ELFN2: variants seen among roughly 807,000 people sequenced by gnomAD.
The protein encoded by ELFN2 is extracellular leucine rich repeat and fibronectin type III domain containing 2, also known as protein phosphatase 1 regulatory subunit 29.
In ELFN2, 17 loss-of-function variants were observed where a neutral mutation model predicts 45.5. The observed-to-expected ratio is 0.37, with a 90% CI of 0.26 to 0.56. The LOEUF is 0.56. Among genes scored for constraint, ELFN2 ranks in the 20% least tolerant of loss-of-function variants. ELFN2 has a pLI of 0.77. For synonymous variants in ELFN2, 550 were observed against 551.5 expected, an observed-to-expected ratio of 1.00 and a Z score of 0.04; for missense variants, 922 against 1,183.2, an observed-to-expected ratio of 0.78 and a Z score of 3.24.
At chr22:37,392,277 G>C (rs181653963) in intron 2 of ELFN2, among the ~76,000 whole-genome samples, 76 of 150,596 alleles carry the variant, frequency 5.0e-4, no homozygotes, top group Middle Eastern at 3.4e-3. Context: ...CTAGGAACCA[G>C]TTTTTTGTTG....
chr22:37,359,118 TC>T (rs1931019191), intron 1 of ELFN2, among the ~76,000 whole-genome samples: 1 of 152,072 alleles, frequency 6.6e-6, no homozygotes, highest in African/African-American at 2.4e-5. Flanking sequence ...TCCGTGACTG[TC>T]TCCAGCTGTG....
chr22:37,398,993 T>A (rs747270876), intron 2 of ELFN2, among the ~76,000 whole-genome samples: 1 of 151,948 alleles, frequency 6.6e-6, no homozygotes, highest in African/African-American at 2.4e-5. Context: ...CCCAAACACA[T>A]ACATGCTCCC....
intron 2 of ELFN2, among the ~76,000 whole-genome samples, chr22:37,398,917 A>T (rs1354280503): frequency 4.6e-5 from 7 of 150,684 alleles, no homozygotes; most frequent in African/African-American, 1.7e-4. Context: ...TCCAAGAAAC[A>T]CCCCCTGTAA....
In ELFN2 at chr22:37,374,915, G is replaced by C. The variant is rs1194451150; in HGVS notation, c.620C>G (p.Thr207Ser). The C allele has an allele frequency of 6.2e-7, 1 of 1,612,558 alleles. No individual in the cohort carries two copies. The highest frequency in any genetic ancestry group is 1.7e-5 in the Admixed American group (1 of 60,022). ...ACACTGCAGGCGGTCGTAGTTCTTG[G>C]TGACGTTGTTGAAGACCACCAGCCA... ...LAWLVVFNNV[T>S]KNYDRLQCES... is the part of the protein sequence containing the mutation. Residue 207 changes from threonine (T) to serine (S), a missense_variant, in exon 3 of 3, where the codon ACC becomes AGC. By Grantham distance (58) the Thr-to-Ser change is moderately conservative. Transcript: ENST00000402918.
downstream of ELFN2, among the ~76,000 whole-genome samples, chr22:37,367,325 G>A (rs375896123): frequency 2.8e-4 from 43 of 152,338 alleles, no homozygotes; most frequent in African/African-American, 1.0e-3. Flanking sequence ...CTAAATCTGA[G>A]AAGCAGCAGA....
chr22:37,405,902 C>T (rs1932490006), intron 2 of ELFN2, among the ~76,000 whole-genome samples: 1 of 151,906 alleles, frequency 6.6e-6, no homozygotes, highest in African/African-American at 2.4e-5. Flanking sequence ...CTTGGGAGGC[C>T]AAGGCAGGAG....
At position 37,374,210 on chromosome 22, in the gene ELFN2, C is replaced by G. The variant is rs771132559; in HGVS notation, c.1325G>C (p.Arg442Pro). Residue 442 changes from arginine to proline, a missense_variant, in exon 3 of 3, where the codon CGC (arginine) becomes CCC (proline). By Grantham distance (103) the Arg-to-Pro change is moderately radical. Around this residue, in one of 2 missense-constraint regions of ELFN2, gnomAD observed 564 missense variants for 642.8 expected, o/e 0.88. Coordinates refer to ENST00000402918, the MANE Select transcript of ELFN2 (RefSeq NM_052906.5). ...VNVKKTILEM[R>P]YGADVDAGSI... ...GCCGGCATCCACATCAGCCCCGTAG[C>G]GCATCTCCAGGATGGTCTTCTTGAC... 6.2e-7 allele frequency: 1 copy of G among 1,613,810 alleles called. No individual in the cohort carries two copies. Among genetic ancestry groups the G allele is most frequent in the Non-Finnish European group, 8.5e-7 (1 of 1,180,020 alleles).
At chr22:37,350,925 G>A (rs542131682) in intron 1 of ELFN2, among the ~76,000 whole-genome samples, 31 of 150,040 alleles carry the variant, frequency 2.1e-4, no homozygotes, top group Admixed American at 8.6e-4. Context: ...TCCTTCCCCC[G>A]CCTGGGAGTC....
intron 1 of ELFN2, among the ~76,000 whole-genome samples, chr22:37,362,723 G>A (rs763598390): frequency 2.0e-5 from 3 of 152,210 alleles, no homozygotes; most frequent in Non-Finnish European, 4.4e-5. Flanking sequence ...CCCCCAAAGT[G>A]TAGAGCAGGG....
chr22:37,362,433 G>A (rs1031281575), intron 1 of ELFN2, among the ~76,000 whole-genome samples: 5 of 152,224 alleles, frequency 3.3e-5, no homozygotes, highest in African/African-American at 9.6e-5. Flanking sequence ...AAGATTTGGA[G>A]CAGACATCTC....
intron 2 of ELFN2, among the ~76,000 whole-genome samples, chr22:37,410,496 C>T (rs1376954210): frequency 6.6e-6 from 1 of 152,142 alleles, no homozygotes; most frequent in Non-Finnish European, 1.5e-5. Flanking sequence ...CCTGTTGAGC[C>T]CCCGCTTCCC....
At chr22:37,351,013 C>G (rs1461139134) in intron 1 of ELFN2, among the ~76,000 whole-genome samples, 1 of 150,392 alleles carries the variant, frequency 6.6e-6, no homozygotes, top group African/African-American at 2.4e-5. Flanking sequence ...CTTCTCCTCT[C>G]CAGGCCCGGT....
intron 2 of ELFN2, among the ~76,000 whole-genome samples, chr22:37,415,318 A>G (rs1315836314): frequency 6.6e-6 from 1 of 152,248 alleles, no homozygotes; most frequent in Non-Finnish European, 1.5e-5. Flanking sequence ...GGGCTGGCTG[A>G]GCAGCTCAGA....
chr22:37,382,329 C>T (rs1335219677), intron 2 of ELFN2, among the ~76,000 whole-genome samples: 1 of 152,072 alleles, frequency 6.6e-6, no homozygotes, highest in Non-Finnish European at 1.5e-5. Context: ...ACTGCCGCCT[C>T]TGCCTCCCAG....
At chr22:37,422,576 G>A (rs969810964) in intron 1 of ELFN2, among the ~76,000 whole-genome samples, 1 of 151,872 alleles carries the variant, frequency 6.6e-6, no homozygotes, top group Non-Finnish European at 1.5e-5. Context: ...GTGGTGGTGT[G>A]TGCCTGTAAT....
intron 1 of ELFN2, chr22:37,353,005 C>T (rs1180833256): frequency 1.3e-5 from 2 of 150,956 alleles, no homozygotes; most frequent in African/African-American, 2.4e-5. Flanking sequence ...AGAGAAGTGG[C>T]TCTGGCCTAC....
intron 2 of ELFN2, among the ~76,000 whole-genome samples, chr22:37,387,246 C>A (rs966126094): frequency 4.6e-5 from 7 of 152,164 alleles, no homozygotes; most frequent in Non-Finnish European, 1.0e-4. Flanking sequence ...TCAGCCTGTT[C>A]CCCGGCCTCG....
chr22:37,347,073 G>A (rs532205408), intron 1 of ELFN2, among the ~76,000 whole-genome samples: 4 of 152,094 alleles, frequency 2.6e-5, no homozygotes, highest in East Asian at 1.9e-4. Context: ...CTGCCCCCCC[G>A]GTTCAAGTGA....
At chr22:37,424,014 G>A (rs1202351548) in intron 1 of ELFN2, among the ~76,000 whole-genome samples, 1 of 152,170 alleles carries the variant, frequency 6.6e-6, no homozygotes, top group Non-Finnish European at 1.5e-5. Flanking sequence ...CACAGCTCCT[G>A]AAGAGGTCTA....
Sources: allele counts gnomAD v4.1 joint callset (sites outside exome capture counted in the v4.1 genomes callset), GRCh38; gene constraint gnomAD v4.1.1; regional missense constraint gnomAD v4.1.1; transcripts MANE v1.5; gene names NCBI Gene and HGNC (gene_info 2026-07-23, HGNC 2026-07-21).